The following ATXN7L1 variants were observed in gnomAD, a reference collection of about 807,000 sequenced individuals.
The protein encoded by ATXN7L1 is ataxin-7-like protein 1.
Under a neutral mutation model 70.8 loss-of-function variants are expected in ATXN7L1, and 15 were observed. The ratio of observed to expected loss-of-function variants is 0.21; its 90% CI spans 0.14 to 0.33. The LOEUF is 0.33. ATXN7L1 is among the 10% of genes least tolerant of loss of function. ATXN7L1 has a pLI of 1.00. For missense variants in ATXN7L1, 975 were observed against 1,097.1 expected, an observed-to-expected ratio of 0.89 and a Z score of 1.57; for synonymous variants, 440 against 445.1, an observed-to-expected ratio of 0.99 and a Z score of 0.14.
chr7:105,671,911 A>G (rs75520445), intron 3 of ATXN7L1, among the ~76,000 whole-genome samples: 1 of 150,562 alleles, frequency 6.6e-6, no homozygotes, highest in South Asian at 2.1e-4. Flanking sequence ...AAAAAAAAAA[A>G]AAAAGAATTT....
chr7:105,698,151 C>T (rs992479720), intron 3 of ATXN7L1, among the ~76,000 whole-genome samples: 2 of 152,160 alleles, frequency 1.3e-5, no homozygotes, highest in Non-Finnish European at 2.9e-5. Flanking sequence ...CATTGCCATG[C>T]AGACTTCCCA....
chr7:105,863,524 C>T (rs1009311340), intron 2 of ATXN7L1, among the ~76,000 whole-genome samples: 1 of 152,228 alleles, frequency 6.6e-6, no homozygotes, highest in Non-Finnish European at 1.5e-5. Flanking sequence ...CACGTGAGCC[C>T]CTCCTTAAAC....
intron 11 of ATXN7L1, among the ~76,000 whole-genome samples, chr7:105,608,737 G>T (rs1171889013): frequency 6.6e-6 from 1 of 152,112 alleles, no homozygotes; most frequent in African/African-American, 2.4e-5. Context: ...CTGGCCTGGG[G>T]ATACAAAAAC....
At chr7:105,805,577 T>C (rs1807452154) in intron 2 of ATXN7L1, among the ~76,000 whole-genome samples, 1 of 152,138 alleles carries the variant, frequency 6.6e-6, no homozygotes, top group African/African-American at 2.4e-5. Context: ...TCACAGATCA[T>C]GAAAAGAGAC....
intron 3 of ATXN7L1, among the ~76,000 whole-genome samples, chr7:105,747,134 G>T (rs1421305786): frequency 6.6e-6 from 1 of 152,216 alleles, no homozygotes; most frequent in Admixed American, 6.5e-5. Flanking sequence ...TGAGTTGACT[G>T]ATGGCAGCGG....
intron 3 of ATXN7L1, among the ~76,000 whole-genome samples, chr7:105,701,122 TTG>T (rs1272425106): frequency 6.6e-6 from 1 of 152,086 alleles, no homozygotes; most frequent in Admixed American, 6.5e-5. Context: ...ATATCTTATA[TTG>T]GTTTCTAAAA....
chr7:105,713,233 T>A (rs1162913892), intron 3 of ATXN7L1, among the ~76,000 whole-genome samples: 6 of 152,130 alleles, frequency 3.9e-5, no homozygotes, highest in African/African-American at 1.4e-4. Context: ...CTCCTCCAAT[T>A]TGACATGAGA....
chr7:105,822,820 AG>A (rs1159640523), intron 2 of ATXN7L1, among the ~76,000 whole-genome samples: 28 of 152,340 alleles, frequency 1.8e-4, no homozygotes, highest in African/African-American at 6.7e-4. Flanking sequence ...TATATGCCCA[AG>A]ATGATCTATT....
rs1277975195 is a variant in ATXN7L1, at chr7:105,788,593, G to T, written c.355+11C>A. 3.1e-6 allele frequency: 5 copies of T among 1,594,298 alleles called. No individual in the cohort carries two copies. The highest frequency in any genetic ancestry group is 4.3e-6 in the Non-Finnish European group (5 of 1,162,080). ...CTGCAGATGTGGCCGACGGTGCAGGGGTCCACTTACCGCAGTGCGACTGGA... is the reference window on the plus strand; with the variant it reads ...CTGCAGATGTGGCCGACGGTGCAGGTGTCCACTTACCGCAGTGCGACTGGA... On this transcript the variant is annotated intron_variant, in intron 3 of 11. Transcript: ENST00000419735.
intron 3 of ATXN7L1, among the ~76,000 whole-genome samples, chr7:105,749,999 G>A (rs559966723): frequency 5.9e-5 from 9 of 151,928 alleles, no homozygotes; most frequent in African/African-American, 2.2e-4. Context: ...ATCTTAATTT[G>A]CCTTTAACAG....
At chr7:105,615,371 G>T (rs1793733789) in intron 9 of ATXN7L1, among the ~76,000 whole-genome samples, 1 of 152,196 alleles carries the variant, frequency 6.6e-6, no homozygotes, top group Non-Finnish European at 1.5e-5. Context: ...GGAGGCAGTT[G>T]GGGAACGGCC....
chr7:105,759,163 T>A (rs1403832466), intron 3 of ATXN7L1, among the ~76,000 whole-genome samples: 1 of 4,134 alleles, frequency 2.4e-4, no homozygotes, highest in African/African-American at 4.6e-3. Context: ...TATTCTTACT[T>A]TTTTTTTTTT....
intron 3 of ATXN7L1, among the ~76,000 whole-genome samples, chr7:105,685,171 C>T (rs958011588): frequency 2.0e-5 from 3 of 152,052 alleles, no homozygotes; most frequent in African/African-American, 4.8e-5. Context: ...ATAGAAGGAG[C>T]ACTGACATCC....
chr7:105,624,374 A>T, intron 7 of ATXN7L1, 107 bp from the exon 8 acceptor site: 2 of 1,138,366 alleles, frequency 1.8e-6, no homozygotes, highest in Non-Finnish European at 2.3e-6. Context: ...GATTAAGGCC[A>T]GGTTCGGTGG....
intron 3 of ATXN7L1, among the ~76,000 whole-genome samples, chr7:105,701,597 C>G (rs1792463734): frequency 6.6e-6 from 1 of 152,174 alleles, no homozygotes; most frequent in Non-Finnish European, 1.5e-5. Flanking sequence ...CTGTTTGGAG[C>G]ACCACTCCTA....
chr7:105,865,170 A>G lies in ATXN7L1; in HGVS notation c.250+10642T>C, dbSNP rs1236695288. Among the ~76,000 whole-genome samples the G allele has an allele frequency of 3.3e-5, 5 of 152,330 alleles. No homozygotes were observed. The East Asian group carries it at 5.8e-4, about 18-fold the overall frequency. ...AACGATCATCACAACAAAGGCTTCC[A>G]TTACTGAGTACCTACTTTATACCAG... On this transcript the variant is annotated intron_variant, in intron 2 of 11. Coordinates refer to ENST00000419735, the MANE Select transcript of ATXN7L1 (RefSeq NM_020725.2).
At chr7:105,761,321 A>G in intron 3 of ATXN7L1, 1 of 1,611,366 alleles carries the variant, frequency 6.2e-7, no homozygotes, top group Non-Finnish European at 8.5e-7. Flanking sequence ...GTCTCCAGAC[A>G]ATGCCAGTCC....
intron 2 of ATXN7L1, among the ~76,000 whole-genome samples, 176 bp downstream of exon 2, chr7:105,875,636 C>CCCCCA (rs370805832): frequency 1.1e-4 from 15 of 131,384 alleles, no homozygotes; most frequent in Admixed American, 3.2e-4. Flanking sequence ...TACCCCCCCC[C>CCCCCA]CAGTTGTATT....
At chr7:105,744,737 T>TC (rs1440495783) in intron 3 of ATXN7L1, among the ~76,000 whole-genome samples, 1 of 139,344 alleles carries the variant, frequency 7.2e-6, no homozygotes, top group Non-Finnish European at 1.5e-5. Flanking sequence ...TTTCTTTACT[T>TC]TTTTTTTTTT....
Sources: allele counts gnomAD v4.1 joint callset (sites outside exome capture counted in the v4.1 genomes callset), GRCh38; gene constraint gnomAD v4.1.1; transcripts MANE v1.5; gene names NCBI Gene and HGNC (gene_info 2026-07-23, HGNC 2026-07-21).